Variants in RAD54B observed in about 807,000 individuals in gnomAD.
RAD54B encodes the protein DNA repair and recombination protein RAD54B.
RAD54B carries 78 observed loss-of-function variants against 95.8 expected under a neutral mutation model. That is an observed-to-expected ratio of 0.81 (90% CI 0.68 to 0.98). The LOEUF (loss-of-function observed/expected upper bound fraction) is 0.98. RAD54B is among the 50% of genes least tolerant of loss of function. The pLI, the probability that RAD54B is intolerant of heterozygous loss-of-function variation, is 0.00. For synonymous variants in RAD54B, 328 were observed against 354.9 expected, an observed-to-expected ratio of 0.92 and a Z score of 0.85; for missense variants, 957 against 1,056.6, an observed-to-expected ratio of 0.91 and a Z score of 1.31.
chr8:94,431,038 A>G (rs1812079352), intron 3 of RAD54B: 2 of 985,234 alleles, frequency 2.0e-6, no homozygotes, highest in African/African-American at 1.7e-5. Flanking sequence ...CACCCACCCC[A>G]TTCTACAACT....
chr8:94,393,144 A>C (rs1353367394), intron 9 of RAD54B, among the ~76,000 whole-genome samples: 4 of 152,062 alleles, frequency 2.6e-5, no homozygotes, highest in Admixed American at 2.6e-4. Flanking sequence ...AAATAAATGT[A>C]CTTTTTTTTA....
At chr8:94,391,151 AGAT>A (rs1363759253) in intron 10 of RAD54B, among the ~76,000 whole-genome samples, 1 of 152,146 alleles carries the variant, frequency 6.6e-6, no homozygotes, top group Non-Finnish European at 1.5e-5. Context: ...GTTGAGCTTA[AGAT>A]GATTTTTATT....
At chr8:94,451,285 T>C (rs1812651774) in intron 3 of RAD54B, among the ~76,000 whole-genome samples, 1 of 152,192 alleles carries the variant, frequency 6.6e-6, no homozygotes, top group Non-Finnish European at 1.5e-5. Flanking sequence ...AGGATTCCCA[T>C]TGGCCAAATC....
intron 3 of RAD54B, chr8:94,432,507 G>C: frequency 6.4e-7 from 1 of 1,550,594 alleles, no homozygotes; most frequent in Non-Finnish European, 8.7e-7. Flanking sequence ...TTGCTCTAAA[G>C]TATCACTCTG....
intron 12 of RAD54B, 108 bp downstream of exon 12, chr8:94,380,037 G>A: frequency 2.4e-6 from 3 of 1,254,370 alleles, no homozygotes; most frequent in Non-Finnish European, 2.2e-6. Context: ...GCAAAATAAG[G>A]GCTCTTTATG....
intron 3 of RAD54B, 72 bp from the exon 4 acceptor site, chr8:94,411,387 A>C (rs1338874876): frequency 5.0e-6 from 6 of 1,188,396 alleles, no homozygotes; most frequent in Non-Finnish European, 6.9e-6. Flanking sequence ...ATTCAAACAA[A>C]ACCAAAAGGC....
chr8:94,413,515 C>A (rs1811579300), intron 3 of RAD54B, among the ~76,000 whole-genome samples: 1 of 152,108 alleles, frequency 6.6e-6, no homozygotes, highest in African/African-American at 2.4e-5. Flanking sequence ...AGATAAACAT[C>A]AACCATTAAG....
chr8:94,389,881 G>C (rs1169042429), intron 10 of RAD54B, among the ~76,000 whole-genome samples: 4 of 152,146 alleles, frequency 2.6e-5, no homozygotes, highest in Non-Finnish European at 5.9e-5. Flanking sequence ...GAAACACTCA[G>C]AGCCCCCTGC....
intron 10 of RAD54B, among the ~76,000 whole-genome samples, chr8:94,389,796 A>G (rs1274731328): frequency 6.6e-6 from 1 of 152,220 alleles, no homozygotes; most frequent in Non-Finnish European, 1.5e-5. Context: ...TTCTGAATAA[A>G]TATCAGACTA....
At chr8:94,464,237 A>C (rs988302352) in intron 2 of RAD54B, among the ~76,000 whole-genome samples, 1 of 152,158 alleles carries the variant, frequency 6.6e-6, no homozygotes, top group Non-Finnish European at 1.5e-5. Context: ...GGTGGGCCTA[A>C]CCTAATCAAA....
intron 10 of RAD54B, 92 bp downstream of exon 10, chr8:94,391,517 C>G (rs1287880810): frequency 5.2e-6 from 7 of 1,340,002 alleles, no homozygotes; most frequent in Non-Finnish European, 7.1e-6. Flanking sequence ...CCCACAAATG[C>G]AACCTCAGAA....
At chr8:94,450,929 T>C (rs540315991) in intron 3 of RAD54B, among the ~76,000 whole-genome samples, 3 of 152,224 alleles carry the variant, frequency 2.0e-5, no homozygotes, top group Admixed American at 6.5e-5. Flanking sequence ...TTTTTCACTA[T>C]GAAAGAAAGG....
chr8:94,398,459 G>A (rs967385767), intron 8 of RAD54B, among the ~76,000 whole-genome samples: 18 of 152,016 alleles, frequency 1.2e-4, no homozygotes, highest in African/African-American at 4.3e-4. Context: ...AGTATAGGAA[G>A]GAGGTACAAG....
intron 14 of RAD54B, among the ~76,000 whole-genome samples, chr8:94,376,732 GTTA>G (rs1468436751): frequency 6.8e-6 from 1 of 147,736 alleles, no homozygotes; most frequent in Non-Finnish European, 1.5e-5. Flanking sequence ...ATTATATTTA[GTTA>G]TTAGTTATAT....
intron 3 of RAD54B, among the ~76,000 whole-genome samples, chr8:94,416,558 TC>T (rs960841743): frequency 6.6e-4 from 99 of 150,716 alleles, no homozygotes; most frequent in African/African-American, 2.4e-3. Context: ...AACAAACAAA[TC>T]AATAGAAAAC....
intron 1 of RAD54B, 107 bp from the exon 2 acceptor site, chr8:94,467,662 A>G: frequency 8.7e-7 from 1 of 1,155,916 alleles, no homozygotes; most frequent in Non-Finnish European, 1.2e-6. Context: ...AACCCCTCTT[A>G]TGGGCCTGCC....
intron 3 of RAD54B, chr8:94,431,912 G>GAAA: frequency 9.1e-7 from 1 of 1,096,750 alleles, no homozygotes; most frequent in East Asian, 3.8e-5. Flanking sequence ...TAAACTTAGG[G>GAAA]AAAAAAAAAA....
At chr8:94,418,827 A>G (rs1811733500) in intron 3 of RAD54B, among the ~76,000 whole-genome samples, 1 of 152,200 alleles carries the variant, frequency 6.6e-6, no homozygotes, top group Non-Finnish European at 1.5e-5. Context: ...GGATAGTGAC[A>G]GACAGTTGAG....
intron 3 of RAD54B, among the ~76,000 whole-genome samples, chr8:94,425,075 A>AAAAAC (rs1168771867): frequency 6.6e-6 from 1 of 151,500 alleles, no homozygotes; most frequent in Admixed American, 6.6e-5. Context: ...AAAAAAAAAA[A>AAAAAC]AAAAAATTCA....
Sources: allele counts gnomAD v4.1 joint callset (sites outside exome capture counted in the v4.1 genomes callset), GRCh38; gene constraint gnomAD v4.1.1; transcripts MANE v1.5; gene names NCBI Gene and HGNC (gene_info 2026-07-23, HGNC 2026-07-21).